ARHGEF3: variants seen among roughly 807,000 people sequenced by gnomAD.
ARHGEF3 encodes 59.8 kDA protein.
ARHGEF3 carries 28 observed loss-of-function variants against 63.2 expected under a neutral mutation model. The ratio of observed to expected loss-of-function variants is 0.44; its 90% CI spans 0.33 to 0.61. The LOEUF is 0.61. Ranked by LOEUF, ARHGEF3 falls within the 20% of genes least tolerant of loss-of-function variation. The pLI is 0.03. For synonymous variants in ARHGEF3, 266 were observed against 254.2 expected (o/e 1.05, Z -0.44); for missense variants, 533 against 659.3 (o/e 0.81, Z 2.10).
intron 4 of ARHGEF3, among the ~76,000 whole-genome samples, chr3:56,874,503 C>T (rs1001986238): frequency 2.6e-5 from 4 of 152,210 alleles, no homozygotes; most frequent in South Asian, 4.1e-4. Flanking sequence ...AATCTCGCTG[C>T]TATTCCGTGC....
intron 2 of ARHGEF3, among the ~76,000 whole-genome samples, chr3:57,010,131 C>A (rs1702623796): frequency 6.6e-6 from 1 of 152,126 alleles, no homozygotes; most frequent in Non-Finnish European, 1.5e-5. Flanking sequence ...CAGGGACACA[C>A]CTTGTCTTCT....
At chr3:56,796,504 C>T (rs2037375971) in intron 1 of ARHGEF3, among the ~76,000 whole-genome samples, 1 of 152,210 alleles carries the variant, frequency 6.6e-6, no homozygotes, top group Admixed American at 6.5e-5. Context: ...ATTACTAAAA[C>T]CCTCCCAAAT....
At chr3:56,815,098 C>T (rs1359395313) in intron 4 of ARHGEF3, among the ~76,000 whole-genome samples, 1 of 151,444 alleles carries the variant, frequency 6.6e-6, no homozygotes, top group East Asian at 1.9e-4. Context: ...GAGCTATGAT[C>T]GTGCCACTGC....
At chr3:56,761,286 TG>T (rs2035403608) in intron 2 of ARHGEF3, among the ~76,000 whole-genome samples, 1 of 151,866 alleles carries the variant, frequency 6.6e-6, no homozygotes. Flanking sequence ...TCAGTACCAC[TG>T]GGAAAAACTA....
At chr3:56,820,499 CAAT>C (rs1471446535) in intron 4 of ARHGEF3, among the ~76,000 whole-genome samples, 2 of 152,052 alleles carry the variant, frequency 1.3e-5, no homozygotes, top group Non-Finnish European at 2.9e-5. Flanking sequence ...TTCACAATAA[CAAT>C]GATAAGAAAT....
At chr3:56,737,132 GA>G in intron 8 of ARHGEF3, 52 bp downstream of exon 8, 1 of 1,502,398 alleles carries the variant, frequency 6.7e-7, no homozygotes, top group Non-Finnish European at 9.0e-7. Flanking sequence ...CACACCAAAT[GA>G]ATTAGGGATA....
rs151166374 is a variant in ARHGEF3 at position 57,043,652 on chromosome 3, A to G, written c.-27-8476T>C. On this transcript the variant is annotated intron_variant, in intron 1 of 12. Transcript: ENST00000338458. ...GGCTGAGTTTTGAAGGGTGAATAAGAGCCTACCAGGTCAACAAGCCAGGGC... is the reference window on the plus strand; with the variant it reads ...GGCTGAGTTTTGAAGGGTGAATAAGGGCCTACCAGGTCAACAAGCCAGGGC... 8.0e-3 allele frequency among the ~76,000 whole-genome samples: 1,216 copies of G among 152,292 alleles called. 6 individuals are homozygous for G. Among genetic ancestry groups the G allele is most frequent in the Non-Finnish European group, 0.013 (914 of 68,024 alleles).
At position 57,013,376 on chromosome 3, in the gene ARHGEF3, T is replaced by C. The variant is rs191333795; in HGVS notation, c.62+21712A>G. 2.1e-4 allele frequency among the ~76,000 whole-genome samples: 32 copies of C among 152,324 alleles called. No individual in the cohort carries two copies. The East Asian group carries it at 4.6e-3, about 22-fold the overall frequency. ...GAACTTTTTATGTCTAGCTGGAGGA[T>C]TGTATATGCACCAATCAGCACTTTG... On this transcript the variant is annotated intron_variant, in intron 2 of 12. Coordinates refer to the ARHGEF3 transcript ENST00000338458.
intron 4 of ARHGEF3, among the ~76,000 whole-genome samples, chr3:56,858,568 G>A (rs2039964149): frequency 6.6e-6 from 1 of 152,152 alleles, no homozygotes; most frequent in South Asian, 2.1e-4. Flanking sequence ...CAGTCAACAA[G>A]AACAACAGAT....
intron 1 of ARHGEF3, chr3:57,073,427 G>A (rs1198502228): frequency 2.5e-6 from 1 of 400,604 alleles, no homozygotes; most frequent in Non-Finnish European, 4.4e-6. Context: ...AGCTGTGAAA[G>A]TGGACAAGCG....
intron 1 of ARHGEF3, among the ~76,000 whole-genome samples, chr3:57,045,022 T>C (rs1189222442): frequency 6.6e-5 from 10 of 152,176 alleles, no homozygotes; most frequent in Non-Finnish European, 1.5e-4. Flanking sequence ...ATCCGAGCAC[T>C]CTGGGAAGCC....
chr3:56,917,155 C>A (rs2042011175), intron 3 of ARHGEF3, among the ~76,000 whole-genome samples: 1 of 152,128 alleles, frequency 6.6e-6, no homozygotes, highest in Non-Finnish European at 1.5e-5. Context: ...GTAGACTTGT[C>A]TCATAGGAAA....
intron 4 of ARHGEF3, among the ~76,000 whole-genome samples, chr3:56,860,543 TGA>T (rs2040038390): frequency 6.6e-6 from 1 of 152,194 alleles, no homozygotes; most frequent in Non-Finnish European, 1.5e-5. Flanking sequence ...CAAAATATTC[TGA>T]GATATATGTA....
Position 56,801,751 on chromosome 3 carries a change from G to T in ARHGEF3, c.48C>A (p.Asn16Lys). The change falls in exon 1 of 10, where the codon AAC (asparagine) becomes AAA (lysine). Residue 16 changes from asparagine (N) to lysine (K), a missense_variant. Transcript: ENST00000296315. ...YPFYLTVKRA[N>K]CSLELPPASG... The stretch of plus-strand genomic sequence containing the variant: ...TGGCCGGGGGTAGCTCCAGGCTGCA[G>T]TTCGCTCTCTTGACCGTGAGGTAGA... 1 of 1,570,110 alleles carries T rather than the reference G, an allele frequency of 6.4e-7. No homozygotes were observed. The highest frequency in any genetic ancestry group is 8.6e-7 in the Non-Finnish European group (1 of 1,156,196).
chr3:56,756,109 A>G (rs1410377121), intron 2 of ARHGEF3, among the ~76,000 whole-genome samples: 1 of 152,218 alleles, frequency 6.6e-6, no homozygotes, highest in Non-Finnish European at 1.5e-5. Context: ...AGGCCGCAGA[A>G]GTCCACCTGT....
At chr3:56,889,715 A>C (rs2041047107) in intron 3 of ARHGEF3, among the ~76,000 whole-genome samples, 1 of 152,222 alleles carries the variant, frequency 6.6e-6, no homozygotes. Flanking sequence ...GTTTAAAAAC[A>C]ATCTGCGTTT....
chr3:56,995,669 G>GAGAGAGAGAGAGAA (rs1373283304), intron 2 of ARHGEF3, among the ~76,000 whole-genome samples: 2 of 124,772 alleles, frequency 1.6e-5, no homozygotes, highest in African/African-American at 5.6e-5. Flanking sequence ...GAGAGAGAGA[G>GAGAGAGAGAGAGAA]AGAATTTTTT....
intron 3 of ARHGEF3, among the ~76,000 whole-genome samples, chr3:56,949,542 A>G (rs1275643107): frequency 6.6e-6 from 1 of 151,632 alleles, no homozygotes; most frequent in African/African-American, 2.4e-5. Flanking sequence ...TGCTTCAAAG[A>G]GAATAAAATA....
Position 56,992,024 on chromosome 3 carries a change from C to CTGTG in ARHGEF3, c.63-33139_63-33136dup, listed in dbSNP as rs58860849. On this transcript the variant is annotated intron_variant, in intron 2 of 12. Transcript: ENST00000338458. ...TCTCACTCTCTCTCCCCTCCTCTCTCTGTGTGTGTGTGTGTGTGTGTGTGT... is the reference window on the plus strand; with the variant it reads ...TCTCACTCTCTCTCCCCTCCTCTCTCTGTGTGTGTGTGTGTGTGTGTGTGTGTGT... Among the ~76,000 whole-genome samples the CTGTG allele has an allele frequency of 9.0e-4, 118 of 131,716 alleles. 1 individual carries two copies. The highest frequency in any genetic ancestry group is 1.5e-3 in the African/African-American group (51 of 34,450). 86.4% of individuals were successfully genotyped at this position (131,716 alleles called of 152,430 possible).
Sources: allele counts gnomAD v4.1 joint callset (sites outside exome capture counted in the v4.1 genomes callset), GRCh38; gene constraint gnomAD v4.1.1; transcripts MANE v1.5; gene names NCBI Gene and HGNC (gene_info 2026-07-23, HGNC 2026-07-21).